Variants in RNLS observed in about 807,000 individuals in gnomAD.
The protein encoded by RNLS is renalase, FAD dependent amine oxidase.
Under a neutral mutation model 39.8 loss-of-function variants are expected in RNLS, and 39 were observed. The observed-to-expected ratio is 0.98, with a 90% confidence interval of 0.76 to 1.28. The LOEUF (loss-of-function observed/expected upper bound fraction) is 1.28, where lower values mean the gene tolerates loss of function less well. Ranked by LOEUF, RNLS falls within the 50% of genes most tolerant of loss-of-function variation. The probability of loss-of-function intolerance (pLI) is 0.00; values close to 1 mark genes in which losing one functional copy is unlikely to be tolerated. For synonymous variants in RNLS, 147 were observed against 150.7 expected (o/e 0.98, Z 0.18); for missense variants, 410 against 413.3 (o/e 0.99, Z 0.07).
At chr10:88,528,085 G>A (rs1015186612) in intron 4 of RNLS, among the ~76,000 whole-genome samples, 20 of 151,476 alleles carry the variant, frequency 1.3e-4, no homozygotes, top group African/African-American at 4.6e-4. Flanking sequence ...ATTCAGAAAA[G>A]AAAAGAAAAT....
chr10:88,420,811 A>G (rs758643469), intron 4 of RNLS, among the ~76,000 whole-genome samples: 5 of 152,220 alleles, frequency 3.3e-5, no homozygotes, highest in Non-Finnish European at 7.3e-5. Context: ...CGCTAATGCT[A>G]TGTTTGAATT....
At chr10:88,355,917 A>AGGTG (rs1849136029) in intron 5 of RNLS, among the ~76,000 whole-genome samples, 1 of 152,018 alleles carries the variant, frequency 6.6e-6, no homozygotes, top group African/African-American at 2.4e-5. Context: ...AATGGTGGGC[A>AGGTG]CCCCTCCCCC....
At chr10:88,576,068 C>G (rs1272115246) in intron 3 of RNLS, among the ~76,000 whole-genome samples, 1 of 152,170 alleles carries the variant, frequency 6.6e-6, no homozygotes, top group African/African-American at 2.4e-5. Context: ...AATATCAGTT[C>G]CTCAGGGATG....
downstream of RNLS, among the ~76,000 whole-genome samples, chr10:88,281,319 T>C (rs1010690563): frequency 6.6e-6 from 1 of 152,186 alleles, no homozygotes; most frequent in Non-Finnish European, 1.5e-5. Flanking sequence ...CTGGATGTAT[T>C]TGACTGAGGC....
At chr10:88,298,954 G>T (rs1275912786) in intron 6 of RNLS, among the ~76,000 whole-genome samples, 1 of 151,938 alleles carries the variant, frequency 6.6e-6, no homozygotes, top group Non-Finnish European at 1.5e-5. Flanking sequence ...TATATGATGT[G>T]TTTTTATTTA....
chr10:88,217,643 A>T, the RNLS span, among the ~76,000 whole-genome samples: 6 of 151,846 alleles, frequency 4.0e-5, no homozygotes, highest in African/African-American at 1.5e-4. Context: ...CTGGAACTAG[A>T]GCACTATAGA....
At chr10:88,505,625 GATGT>G (rs1240751985) in intron 4 of RNLS, among the ~76,000 whole-genome samples, 1 of 152,076 alleles carries the variant, frequency 6.6e-6, no homozygotes, top group African/African-American at 2.4e-5. Flanking sequence ...ATCATCACTG[GATGT>G]TAAAACCTGG....
At chr10:88,291,570 C>G (rs1307809131) in intron 6 of RNLS, among the ~76,000 whole-genome samples, 1 of 152,182 alleles carries the variant, frequency 6.6e-6, no homozygotes, top group South Asian at 2.1e-4. Context: ...ATCCTTCTCT[C>G]TTCCGTGCCT....
At chr10:88,321,129 A>T (rs1387594049) in intron 5 of RNLS, among the ~76,000 whole-genome samples, 2 of 152,148 alleles carry the variant, frequency 1.3e-5, no homozygotes, top group African/African-American at 4.8e-5. Context: ...TAAAATCAGG[A>T]ATCATACCAA....
At chr10:88,374,370 G>A (rs1311610958) in intron 4 of RNLS, among the ~76,000 whole-genome samples, 1 of 151,836 alleles carries the variant, frequency 6.6e-6, no homozygotes, top group African/African-American at 2.4e-5. Flanking sequence ...TAATTAGTTA[G>A]TATATAATTT....
intron 4 of RNLS, among the ~76,000 whole-genome samples, chr10:88,518,585 C>A (rs1846533338): frequency 1.3e-5 from 2 of 151,884 alleles, no homozygotes; most frequent in South Asian, 4.1e-4. Flanking sequence ...AAAGCTTAAT[C>A]TTGAGTATCT....
intron 4 of RNLS, among the ~76,000 whole-genome samples, chr10:88,399,154 T>C: frequency 6.6e-6 from 1 of 151,932 alleles, no homozygotes; most frequent in Non-Finnish European, 1.5e-5. Flanking sequence ...AGGAATATAG[T>C]GTCATTGGAA....
the RNLS span, among the ~76,000 whole-genome samples, chr10:88,211,019 CT>C: frequency 6.6e-6 from 1 of 152,148 alleles, no homozygotes; most frequent in Non-Finnish European, 1.5e-5. Flanking sequence ...CAAGACTGTA[CT>C]GCTGATTTCA....
At chr10:88,376,019 C>T (rs1423666399) in intron 4 of RNLS, among the ~76,000 whole-genome samples, 2 of 152,076 alleles carry the variant, frequency 1.3e-5, no homozygotes, top group Non-Finnish European at 2.9e-5. Context: ...TCACGTAATA[C>T]AAGTTATCTG....
rs185065332 is a variant in RNLS, at chr10:88,312,384, A to G, written c.876+2082T>C. Among the ~76,000 whole-genome samples the G allele has an allele frequency of 2.7e-3, 417 of 152,336 alleles. 2 individuals are homozygous for G. Among genetic ancestry groups the G allele is most frequent in the African/African-American group, 8.5e-3 (353 of 41,580 alleles). ...ATTCTCTCCTAGGGCCTCTAGAAAGAAATGCAGCCTGACCACACCTGGATT... is the reference window on the plus strand; with the variant it reads ...ATTCTCTCCTAGGGCCTCTAGAAAGGAATGCAGCCTGACCACACCTGGATT... On this transcript the variant is annotated intron_variant, in intron 6 of 6. Coordinates refer to ENST00000331772, the MANE Select transcript of RNLS (RefSeq NM_001031709.3).
At chr10:88,502,497 G>A (rs552925177) in intron 4 of RNLS, among the ~76,000 whole-genome samples, 13 of 152,142 alleles carry the variant, frequency 8.5e-5, no homozygotes, top group African/African-American at 2.2e-4. Flanking sequence ...CTCCTCTTTC[G>A]CTTTCCACCT....
At chr10:88,219,910 C>T in the RNLS span, among the ~76,000 whole-genome samples, 81,116 of 152,030 alleles carry the variant, frequency 0.53, 21,773 homozygotes, top group Admixed American at 0.59. Context: ...GGATCTGAGC[C>T]CACCCTTCAG....
chr10:88,321,066 T>C (rs1023415666), intron 5 of RNLS, among the ~76,000 whole-genome samples: 5 of 151,874 alleles, frequency 3.3e-5, no homozygotes, highest in African/African-American at 1.2e-4. Flanking sequence ...CAAATCTTAA[T>C]ACATTTAAAA....
chr10:88,549,399 T>TAA (rs79316818), intron 4 of RNLS, among the ~76,000 whole-genome samples: 1 of 136,446 alleles, frequency 7.3e-6, no homozygotes, highest in Non-Finnish European at 1.6e-5. Flanking sequence ...TACAAAAAAT[T>TAA]AAAAAAAAAA....
Sources: allele counts gnomAD v4.1 joint callset (sites outside exome capture counted in the v4.1 genomes callset), GRCh38; gene constraint gnomAD v4.1.1; transcripts MANE v1.5; gene names NCBI Gene and HGNC (gene_info 2026-07-23, HGNC 2026-07-21).